Variants in ATP11A observed in about 807,000 individuals in gnomAD.
The protein encoded by ATP11A is phospholipid-transporting ATPase IH.
In ATP11A, 81 loss-of-function variants were observed where a neutral mutation model predicts 154.4. That is an observed-to-expected ratio of 0.52 (90% CI 0.44 to 0.63). ATP11A has a LOEUF of 0.63. ATP11A is among the 30% of genes least tolerant of loss of function. The pLI is 0.00. For synonymous variants in ATP11A, 623 were observed against 585.9 expected (o/e 1.06, Z -0.91); for missense variants, 1,316 against 1,474.3 (o/e 0.89, Z 1.76).
At chr13:112,861,073 G>A (rs1226789971) in intron 24 of ATP11A, among the ~76,000 whole-genome samples, 6 of 152,132 alleles carry the variant, frequency 3.9e-5, no homozygotes, top group Non-Finnish European at 7.4e-5. Flanking sequence ...AGGAGCAAAG[G>A]CACGTCTTAC....
Position 112,862,631 on chromosome 13 carries a change from G to A in ATP11A, c.2991+56G>A. 2.5e-6 allele frequency: 4 copies of A among 1,609,200 alleles called. No homozygotes were observed. The South Asian group carries it at 4.4e-5, about 18-fold the overall frequency. On this transcript the variant is annotated intron_variant, in intron 25 of 29. Transcript: ENST00000375645. ...GCTGCTTAGGAATAAAGCCTCCCAA[G>A]CCCATATGATGATTTTGCCAAAGCA...
Position 112,859,759 on chromosome 13 carries a change from C to T in ATP11A, c.2727+307C>T, listed in dbSNP as rs1233978620. Among the ~76,000 whole-genome samples, 1 of 152,226 alleles carries T rather than the reference C, an allele frequency of 6.6e-6. No homozygotes were observed. Among genetic ancestry groups the T allele is most frequent in the African/African-American group, 2.4e-5 (1 of 41,462 alleles). On this transcript the variant is annotated intron_variant, in intron 23 of 29. Coordinates refer to ENST00000375645, the MANE Select transcript of ATP11A (RefSeq NM_015205.3). The surrounding 1 kb of genome is among the most constrained non-coding windows in gnomAD (Gnocchi z 4.3). ...CAGTGCTGGGCTGGGCATCCTGATG[C>T]CACTGCAAGAATTAACTCCAACTCG...
intron 2 of ATP11A, among the ~76,000 whole-genome samples, chr13:112,792,360 GTTTA>G (rs1452898149): frequency 1.3e-5 from 2 of 152,120 alleles, no homozygotes; most frequent in African/African-American, 4.8e-5. Context: ...TAAGACCTAA[GTTTA>G]CGACTGATTT....
Position 112,816,075 on chromosome 13 carries a change from T to C in ATP11A, c.442-8T>C. The C allele has an allele frequency of 6.2e-7, 1 of 1,614,186 alleles. No homozygotes were observed. The highest frequency in any genetic ancestry group is 8.5e-7 in the Non-Finnish European group (1 of 1,180,028). ...TCCATTGACCATCCTTTCTGCTTTG[T>C]CCTGTAGGTTGGGGACATTGTCATG... is the stretch of plus-strand genomic sequence containing the variant. On this transcript the variant is annotated splice_polypyrimidine_tract_variant and splice_region_variant and intron_variant, in intron 5 of 29. Coordinates refer to ENST00000375645, the MANE Select transcript of ATP11A (RefSeq NM_015205.3).
intron 1 of ATP11A, among the ~76,000 whole-genome samples, chr13:112,719,442 G>A (rs977767185): frequency 3.9e-5 from 6 of 152,208 alleles, no homozygotes; most frequent in South Asian, 2.1e-4. Context: ...CCCATTTGCC[G>A]AATCAAAATA....
chr13:112,833,242 AT>A (rs2140256182), intron 14 of ATP11A, among the ~76,000 whole-genome samples: 1 of 152,182 alleles, frequency 6.6e-6, no homozygotes, highest in African/African-American at 2.4e-5. Flanking sequence ...GTGAGTCTTC[AT>A]CTCTGACTTT....
Position 112,690,487 on chromosome 13 carries a change from G to GGGGACCAGACAGACGCGGGC in ATP11A, c.39+33_39+52dup. 1 of 1,319,116 alleles carries GGGGACCAGACAGACGCGGGC rather than the reference G, an allele frequency of 7.6e-7. No individual in the cohort carries two copies. Among genetic ancestry groups the GGGGACCAGACAGACGCGGGC allele is most frequent in the Non-Finnish European group, 9.7e-7 (1 of 1,033,180 alleles). 81.7% of individuals were successfully genotyped at this position (1,319,116 alleles called of 1,614,324 possible). A position where few individuals can be genotyped will look rare whatever the true frequency, so the allele number is the denominator to read the frequency against. ...GCTCCCGGCGCGGGCTGGGGGACCC[G>GGGGACCAGACAGACGCGGGC]GGGACCAGACAGACGCGGGCCGGCC... On this transcript the variant is annotated intron_variant, in intron 1 of 29. Coordinates refer to ENST00000375645, the MANE Select transcript of ATP11A (RefSeq NM_015205.3). This position sits in a 1 kb window ranked among gnomAD's most constrained non-coding sequence, Gnocchi z 5.6.
In ATP11A at chr13:112,690,555, GGA is replaced by G. The variant is rs1359838408; in HGVS notation, c.39+102_39+103del. On this transcript the variant is annotated intron_variant, in intron 1 of 29. Coordinates refer to ENST00000375645, the MANE Select transcript of ATP11A (RefSeq NM_015205.3). The surrounding 1 kb of genome is among the most constrained non-coding windows in gnomAD (Gnocchi z 5.6). The stretch of plus-strand genomic sequence containing the variant: ...TGGCCGGTCCAGCCCCGGGGTCCCG[GGA>G]GGTCTCCGATGTCTGGGACTCGGAC... 6.0e-5 allele frequency: 70 copies of G among 1,162,544 alleles called. No individual in the cohort carries two copies. Among genetic ancestry groups the G allele is most frequent in the Non-Finnish European group, 7.5e-5 (69 of 922,474 alleles). 72.0% of individuals were successfully genotyped at this position (1,162,544 alleles called of 1,614,324 possible). A position where few individuals can be genotyped will look rare whatever the true frequency, so the allele number is the denominator to read the frequency against.
At chr13:112,757,806 T>C (rs1054923871) in intron 1 of ATP11A, among the ~76,000 whole-genome samples, 1 of 152,280 alleles carries the variant, frequency 6.6e-6, no homozygotes, top group Non-Finnish European at 1.5e-5. Context: ...ATTGTCTTGC[T>C]GAGTGTTTCG....
intron 1 of ATP11A, among the ~76,000 whole-genome samples, chr13:112,759,583 A>G (rs981680288): frequency 6.6e-6 from 1 of 152,348 alleles, no homozygotes; most frequent in East Asian, 1.9e-4. Context: ...ATCACTGTGA[A>G]GGGCTCAGCA....
chr13:112,727,890 C>CA (rs1425229882), intron 1 of ATP11A, among the ~76,000 whole-genome samples: 1 of 152,238 alleles, frequency 6.6e-6, no homozygotes, highest in African/African-American at 2.4e-5. Flanking sequence ...CCCCATTTCT[C>CA]ACATGCGTTG....
intron 1 of ATP11A, among the ~76,000 whole-genome samples, chr13:112,706,215 TAAAAGGTA>T (rs1285443224): frequency 6.6e-6 from 1 of 152,102 alleles, no homozygotes; most frequent in Non-Finnish European, 1.5e-5. Flanking sequence ...TTGGCCATAG[TAAAAGGTA>T]AAAAGGTAAA....
chr13:112,694,842 GT>G (rs1669482686), intron 1 of ATP11A, among the ~76,000 whole-genome samples: 1 of 152,066 alleles, frequency 6.6e-6, no homozygotes, highest in Admixed American at 6.5e-5. Context: ...ACTGTTATAA[GT>G]TTTTTTCTAA....
chr13:112,708,049 G>A (rs192243944), intron 1 of ATP11A, among the ~76,000 whole-genome samples: 401 of 152,274 alleles, frequency 2.6e-3, no homozygotes, highest in Non-Finnish European at 4.2e-3. Flanking sequence ...CGCACGTCAC[G>A]CAACCAACAC....
At chr13:112,717,869 G>A (rs1888655208) in intron 1 of ATP11A, among the ~76,000 whole-genome samples, 1 of 152,226 alleles carries the variant, frequency 6.6e-6, no homozygotes, top group Non-Finnish European at 1.5e-5. Context: ...CTGAGGTCAG[G>A]AGTTTGAGAC....
chr13:112,873,397 C>A, intron 26 of ATP11A, 176 bp from the exon 27 acceptor site: 1 of 456,068 alleles, frequency 2.2e-6, no homozygotes, highest in Non-Finnish European at 3.9e-6. Flanking sequence ...TCTTCCTGAG[C>A]GGTGTGAGGT....
intron 26 of ATP11A, 65 bp downstream of exon 26, chr13:112,871,865 G>A (rs1031648760): frequency 1.4e-5 from 20 of 1,459,582 alleles, no homozygotes; most frequent in Admixed American, 1.4e-4. Context: ...TAGGCCTCAC[G>A]CGCTCTGAGC....
chr13:112,853,484 C>A (rs145148033), intron 18 of ATP11A, among the ~76,000 whole-genome samples: 17 of 152,242 alleles, frequency 1.1e-4, no homozygotes, highest in Non-Finnish European at 1.5e-4. Context: ...TTACTTCACA[C>A]GAAAGTAGTC....
chr13:112,862,852 G>A (rs1252242532), intron 25 of ATP11A, among the ~76,000 whole-genome samples: 1 of 145,202 alleles, frequency 6.9e-6, no homozygotes, highest in African/African-American at 2.7e-5. Flanking sequence ...TTCCCAGCGG[G>A]GTCCATCACC....
Sources: allele counts gnomAD v4.1 joint callset (sites outside exome capture counted in the v4.1 genomes callset), GRCh38; gene constraint gnomAD v4.1.1; non-coding constraint Gnocchi (gnomAD v3.1); transcripts MANE v1.5; gene names NCBI Gene and HGNC (gene_info 2026-07-23, HGNC 2026-07-21).